Variants in MACROD2 observed in about 807,000 individuals in gnomAD.
MACROD2 encodes the protein ADP-ribose glycohydrolase MACROD2.
Under a neutral mutation model 70.4 loss-of-function variants are expected in MACROD2, and 36 were observed. The observed-to-expected ratio is 0.51, with a 90% CI of 0.39 to 0.68. MACROD2 has a LOEUF of 0.68. Among genes scored for constraint, MACROD2 ranks in the 30% least tolerant of loss-of-function variants. The pLI is 0.00. For synonymous variants in MACROD2, 172 were observed against 178.8 expected (o/e 0.96, Z 0.30); for missense variants, 496 against 538.4 (o/e 0.92, Z 0.78).
chr20:14,799,351 T>G (rs1260342520), intron 5 of MACROD2, among the ~76,000 whole-genome samples: 1 of 152,082 alleles, frequency 6.6e-6, no homozygotes, highest in Non-Finnish European at 1.5e-5. Flanking sequence ...ATTTTGATTG[T>G]CATTGTGACC....
chr20:15,432,177 C>G (rs375608876), intron 7 of MACROD2, among the ~76,000 whole-genome samples: 1 of 152,026 alleles, frequency 6.6e-6, no homozygotes, highest in Non-Finnish European at 1.5e-5. Flanking sequence ...AAGCTGTCAG[C>G]TGAAGCACAA....
intron 3 of MACROD2, among the ~76,000 whole-genome samples, chr20:14,275,346 T>C (rs866943840): frequency 6.6e-6 from 1 of 152,116 alleles, no homozygotes. Flanking sequence ...AAGTATCTGA[T>C]CTTTGACAAA....
intron 8 of MACROD2, among the ~76,000 whole-genome samples, chr20:15,553,784 G>A (rs1359604991): frequency 6.6e-6 from 1 of 152,192 alleles, no homozygotes; most frequent in Non-Finnish European, 1.5e-5. Context: ...TCAAGAATGA[G>A]TTTATATTCA....
At chr20:14,410,217 C>CT (rs11469280) in intron 3 of MACROD2, among the ~76,000 whole-genome samples, 14 of 134,404 alleles carry the variant, frequency 1.0e-4, no homozygotes, top group African/African-American at 3.6e-4. Context: ...GTTTGCATTT[C>CT]TTTTTTTTTT....
At chr20:14,953,228 A>G (rs747944629) in intron 5 of MACROD2, among the ~76,000 whole-genome samples, 1 of 152,166 alleles carries the variant, frequency 6.6e-6, no homozygotes, top group Non-Finnish European at 1.5e-5. Context: ...ACCTTTCCAT[A>G]AAGTGTGAAA....
chr20:15,734,465 T>G (rs895889790), intron 8 of MACROD2, among the ~76,000 whole-genome samples: 1 of 152,140 alleles, frequency 6.6e-6, no homozygotes, highest in Admixed American at 6.5e-5. Flanking sequence ...TCCTCTATTT[T>G]CCCTTGGCCC....
chr20:15,764,783 A>G (rs75550774), intron 8 of MACROD2, among the ~76,000 whole-genome samples: 1,953 of 152,252 alleles, frequency 0.013, 38 homozygotes, highest in African/African-American at 0.045. Flanking sequence ...GATCACAGCA[A>G]TTTCTTGCTC....
At chr20:15,049,950 G>GAA (rs746935083) in intron 5 of MACROD2, among the ~76,000 whole-genome samples, 26 of 124,558 alleles carry the variant, frequency 2.1e-4, no homozygotes, top group African/African-American at 5.6e-4. Flanking sequence ...TCTGTCTCAG[G>GAA]AAAAAAAAAA....
chr20:15,348,731 G>C (rs991531337), intron 6 of MACROD2, among the ~76,000 whole-genome samples: 4 of 152,098 alleles, frequency 2.6e-5, no homozygotes, highest in Non-Finnish European at 1.5e-5. Flanking sequence ...GATCTCGTGA[G>C]ACTTATTCAT....
chr20:15,531,731 T>TC (rs1166652754), intron 8 of MACROD2, among the ~76,000 whole-genome samples: 1 of 152,152 alleles, frequency 6.6e-6, no homozygotes, highest in Non-Finnish European at 1.5e-5. Flanking sequence ...CTTTTATTTT[T>TC]CTCCTTTCTT....
chr20:14,104,333 A>G (rs1024319841), intron 3 of MACROD2, among the ~76,000 whole-genome samples: 1 of 152,184 alleles, frequency 6.6e-6, no homozygotes, highest in African/African-American at 2.4e-5. Context: ...GCCAAGAGGC[A>G]TTGGTGTTGG....
intron 8 of MACROD2, among the ~76,000 whole-genome samples, chr20:15,757,389 T>G (rs2051363349): frequency 6.6e-6 from 1 of 152,246 alleles, no homozygotes; most frequent in East Asian, 1.9e-4. Context: ...TTTTTCTAAT[T>G]CTGTTGGACT....
chr20:15,363,331 G>C (rs1416957078), intron 6 of MACROD2, among the ~76,000 whole-genome samples: 1 of 152,174 alleles, frequency 6.6e-6, no homozygotes, highest in Non-Finnish European at 1.5e-5. Flanking sequence ...GACAAGAGTA[G>C]AGTAAAAGCA....
intron 5 of MACROD2, among the ~76,000 whole-genome samples, chr20:14,921,536 C>A (rs1033476345): frequency 6.6e-6 from 1 of 152,140 alleles, no homozygotes; most frequent in Non-Finnish European, 1.5e-5. Flanking sequence ...CCTTCTTTGC[C>A]TTGGCGTCTT....
Position 15,887,795 on chromosome 20 carries a change from C to A in MACROD2, c.775+1984C>A, listed in dbSNP as rs187902749. Among the ~76,000 whole-genome samples the A allele has an allele frequency of 3.6e-3, 550 of 152,166 alleles. 1 individual carries two copies. The highest frequency in any genetic ancestry group is 5.0e-3 in the Non-Finnish European group (341 of 67,988). ...CAATATTTTGTATAACACAATAATC[C>A]AAAACATTATCATTTCAATGTATAA... is the stretch of plus-strand genomic sequence containing the variant. On this transcript the variant is annotated intron_variant, in intron 10 of 17. Transcript: ENST00000684519.
intron 3 of MACROD2, among the ~76,000 whole-genome samples, chr20:14,450,757 A>G (rs1259836951): frequency 2.6e-5 from 4 of 152,132 alleles, no homozygotes; most frequent in Non-Finnish European, 5.9e-5. Context: ...TACTTCATGA[A>G]CAATTCCTAC....
intron 5 of MACROD2, chr20:14,888,327 G>A (rs1455000517): frequency 1.3e-5 from 2 of 152,226 alleles, no homozygotes; most frequent in African/African-American, 4.8e-5. Context: ...AGGAAATGGA[G>A]GTTCTGAGTT....
intron 8 of MACROD2, among the ~76,000 whole-genome samples, chr20:15,848,690 G>A (rs1285184932): frequency 6.6e-6 from 1 of 152,156 alleles, no homozygotes; most frequent in African/African-American, 2.4e-5. Context: ...AGGGTAAGAG[G>A]GAGGAGAGGA....
intron 3 of MACROD2, among the ~76,000 whole-genome samples, chr20:14,444,045 T>A (rs1013391733): frequency 3.9e-5 from 6 of 152,148 alleles, no homozygotes; most frequent in Admixed American, 3.9e-4. Flanking sequence ...TCACTTTATC[T>A]AAAAACTACA....
Sources: allele counts gnomAD v4.1 joint callset (sites outside exome capture counted in the v4.1 genomes callset), GRCh38; gene constraint gnomAD v4.1.1; transcripts MANE v1.5; gene names NCBI Gene and HGNC (gene_info 2026-07-23, HGNC 2026-07-21).